The following MYO7A variants were observed in gnomAD, a reference collection of about 807,000 sequenced individuals.
MYO7A encodes the protein unconventional myosin-VIIa.
MYO7A carries 210 observed loss-of-function variants against 263.8 expected under a neutral mutation model. That is an observed-to-expected ratio of 0.80 (90% CI 0.71 to 0.89). MYO7A has a LOEUF of 0.89. Among genes scored for constraint, MYO7A ranks in the 40% least tolerant of loss-of-function variants. The probability of loss-of-function intolerance (pLI) is 0.00; values close to 1 mark genes in which losing one functional copy is unlikely to be tolerated. For missense variants in MYO7A, 2,820 were observed against 2,968.3 expected, an observed-to-expected ratio of 0.95 and a Z score of 1.16; for synonymous variants, 1,239 against 1,197.3, an observed-to-expected ratio of 1.03 and a Z score of -0.72.
chr11:77,179,077 C>T lies in MYO7A; in HGVS notation c.2315C>T (p.Thr772Ile), dbSNP rs1344720937. 2 of 1,609,332 alleles carry T rather than the reference C, an allele frequency of 1.2e-6. No homozygotes were observed. Among genetic ancestry groups the T allele is most frequent in the Non-Finnish European group, 1.7e-6 (2 of 1,178,492 alleles). Residue 772 changes from threonine to isoleucine, a missense_variant, in exon 20 of 49, where the codon ACA (threonine) becomes ATA (isoleucine). Thr to Ile is a moderately conservative substitution (Grantham distance 89). Coordinates refer to ENST00000409709, the MANE Select transcript of MYO7A (RefSeq NM_000260.4). Reference protein sequence around the residue: ...SNFLKLKNAATLIQRHWRGHN... With the variant: ...SNFLKLKNAAILIQRHWRGHN... ...TTTCTGAAGCTGAAGAACGCTGCCA[C>T]ACTGATCCAGAGGCACTGGCGGGGT...
chr11:77,190,729 C>G lies in MYO7A; in HGVS notation c.3783C>G (p.Pro1261=). Residue 1261 remains proline (P), a synonymous_variant, in exon 30 of 49, where the codon CCC becomes CCG. Transcript: ENST00000409709. ...ATKSKKPIML[P]VTFMDGTTKT... ...AGTCCAAGAAGCCAATCATGTTGCC[C>G]GTGACATTCATGGATGGGACCACCA... 1 of 1,598,780 alleles carries G rather than the reference C, an allele frequency of 6.3e-7. No individual in the cohort carries two copies.
intron 27 of MYO7A, among the ~76,000 whole-genome samples, chr11:77,185,165 A>G (rs1014414491): frequency 3.9e-5 from 6 of 152,192 alleles, no homozygotes; most frequent in African/African-American, 1.4e-4. Flanking sequence ...TCTTGCCTTG[A>G]TGTTGATGGC....
intron 3 of MYO7A, among the ~76,000 whole-genome samples, chr11:77,146,236 G>A (rs532185779): frequency 5.9e-5 from 9 of 152,320 alleles, no homozygotes; most frequent in Admixed American, 4.6e-4. Context: ...AGGATGTACC[G>A]GGGGTAGCTG....
At chr11:77,177,878 T>C (rs1367932885) in intron 19 of MYO7A, among the ~76,000 whole-genome samples, 1 of 152,170 alleles carries the variant, frequency 6.6e-6, no homozygotes, top group Non-Finnish European at 1.5e-5. Flanking sequence ...TACATTCACC[T>C]ACATATGCAC....
intron 8 of MYO7A, 110 bp downstream of exon 8, chr11:77,157,502 C>T (rs1236784109): frequency 4.2e-6 from 3 of 712,084 alleles, no homozygotes; most frequent in East Asian, 5.5e-5. Flanking sequence ...GCTCAGGTGC[C>T]AGCTTCTTGC....
chr11:77,200,612 C>A (rs1173453297), intron 35 of MYO7A, among the ~76,000 whole-genome samples: 5 of 152,230 alleles, frequency 3.3e-5, no homozygotes, highest in Admixed American at 3.3e-4. Context: ...TATCACAGAC[C>A]ATGCCCCGTG....
chr11:77,196,624 C>G (rs1044971631), intron 32 of MYO7A, among the ~76,000 whole-genome samples: 2 of 152,186 alleles, frequency 1.3e-5, no homozygotes, highest in East Asian at 3.8e-4. Flanking sequence ...TGATTTGTCT[C>G]TCTGCCTACA....
At position 77,197,480 on chromosome 11, in the gene MYO7A, G is replaced by C; in HGVS notation, c.4324-1G>C. 6.3e-7 allele frequency: 1 copy of C among 1,587,384 alleles called. No individual in the cohort carries two copies. Among genetic ancestry groups the C allele is most frequent in the Non-Finnish European group, 8.6e-7 (1 of 1,165,040 alleles). On this transcript the variant is annotated splice_acceptor_variant, in intron 32 of 48. Coordinates refer to ENST00000409709, the MANE Select transcript of MYO7A (RefSeq NM_000260.4). LOFTEE classifies it high-confidence loss of function. ...GTCCCTCTGTCCCTCTCTCCTTCCA[G>C]GGGATTTATGCCCAGAGGAGAACTG...
intron 46 of MYO7A, chr11:77,212,689 C>T: frequency 1.8e-6 from 1 of 551,750 alleles, no homozygotes; most frequent in Non-Finnish European, 3.2e-6. Flanking sequence ...GTGCAGGGTC[C>T]AGGAGGCTTT....
At chr11:77,160,456 G>A (rs1463914261) in intron 11 of MYO7A, among the ~76,000 whole-genome samples, 174 bp downstream of exon 11, 2 of 152,188 alleles carry the variant, frequency 1.3e-5, no homozygotes, top group South Asian at 2.1e-4. Flanking sequence ...CTCCTCTGGG[G>A]CCTTCCCAGC....
At chr11:77,188,272 A>G (rs79040858) in intron 27 of MYO7A, among the ~76,000 whole-genome samples, 3,625 of 152,256 alleles carry the variant, frequency 0.024, 136 homozygotes, top group African/African-American at 0.082. Context: ...CTGAAGCTAA[A>G]CTTGTTTTCT....
chr11:77,205,730 TG>T (rs1317449023), intron 40 of MYO7A, 113 bp downstream of exon 40: 1 of 1,404,874 alleles, frequency 7.1e-7, no homozygotes, highest in Non-Finnish European at 9.6e-7. Flanking sequence ...GGCCCACCCC[TG>T]GGGTACCTCA....
At chr11:77,209,230 C>G (rs141059765) in intron 44 of MYO7A, 2,640 of 174,248 alleles carry the variant, frequency 0.015, 81 homozygotes, top group African/African-American at 0.058. Context: ...GTCCTCCCAA[C>G]TAACCCCAAG....
At chr11:77,164,457 C>A (rs1953343390) in intron 14 of MYO7A, among the ~76,000 whole-genome samples, 1 of 152,072 alleles carries the variant, frequency 6.6e-6, no homozygotes, top group Admixed American at 6.5e-5. Flanking sequence ...CATGCTATAA[C>A]CCATCCGTTT....
intron 28 of MYO7A, 128 bp downstream of exon 28, chr11:77,189,598 GC>G: frequency 1.5e-6 from 2 of 1,362,864 alleles, no homozygotes; most frequent in Non-Finnish European, 2.0e-6. Context: ...TCCTTACTGA[GC>G]CCCATCTTCC....
At chr11:77,164,169 A>G (rs1000194093) in intron 14 of MYO7A, among the ~76,000 whole-genome samples, 1 of 152,180 alleles carries the variant, frequency 6.6e-6, no homozygotes, top group African/African-American at 2.4e-5. Context: ...AGTTAAGAAG[A>G]GTGGTCAGAA....
chr11:77,132,093 TC>T (rs1256929258), intron 2 of MYO7A, among the ~76,000 whole-genome samples: 2 of 151,368 alleles, frequency 1.3e-5, no homozygotes, highest in Non-Finnish European at 2.9e-5. Context: ...TGCCCTCTCC[TC>T]CTCTCTTCCT....
chr11:77,162,738 A>G, intron 13 of MYO7A, 115 bp from the exon 14 acceptor site: 1 of 1,408,650 alleles, frequency 7.1e-7, no homozygotes, highest in Admixed American at 2.2e-5. Flanking sequence ...TGTGAGGTAG[A>G]AATAAAAGGA....
In MYO7A at chr11:77,179,894, G is replaced by A. The variant is rs140559111; in HGVS notation, c.2527G>A (p.Val843Met). Residue 843 changes from valine (V) to methionine (M), a missense_variant, in exon 21 of 49, where the codon GTG becomes ATG. Transcript: ENST00000409709. ...CCACCGCCTCTGGGCTGTGCTCACCGTGCAGGCCTATGCCCGGGGCATGAT... is the reference window on the plus strand; with the variant it reads ...CCACCGCCTCTGGGCTGTGCTCACCATGCAGGCCTATGCCCGGGGCATGAT... Reference protein sequence around the residue: ...FRHRLWAVLTVQAYARGMIAR... With the variant: ...FRHRLWAVLTMQAYARGMIAR... 3.3e-4 allele frequency: 503 copies of A among 1,539,718 alleles called. 1 individual carries two copies. Among genetic ancestry groups the A allele is most frequent in the South Asian group, 8.2e-4 (69 of 83,944 alleles).
Sources: gnomAD v4.1 joint callset for allele counts (sites outside exome capture counted in the v4.1 genomes callset) on GRCh38, gnomAD v4.1.1 for gene constraint, MANE v1.5 for transcripts, NCBI Gene and HGNC (gene_info 2026-07-23, HGNC 2026-07-21) for gene names.